The following DNAJB1 variants were observed in gnomAD, a reference collection of about 807,000 sequenced individuals.
DNAJB1 encodes the protein DnaJ heat shock protein family (Hsp40) member B1, also known as dnaJ homolog subfamily B member 1.
A neutral mutation model predicts 24.0 loss-of-function variants in DNAJB1; 14 were observed. The observed-to-expected ratio is 0.58, with a 90% CI of 0.39 to 0.91. DNAJB1 has a LOEUF of 0.91. Among genes scored for constraint, DNAJB1 ranks in the 40% least tolerant of loss-of-function variants. The pLI, the probability that DNAJB1 is intolerant of heterozygous loss-of-function variation, is 0.00. For missense variants in DNAJB1, 517 were observed against 458.1 expected, an observed-to-expected ratio of 1.13 and a Z score of -1.17; for synonymous variants, 262 against 174.4, an observed-to-expected ratio of 1.50 and a Z score of -3.96.
chr19:14,558,755 TCAGCCCCTCC>T (rs1265614342), intron 1 of DNAJB1, among the ~76,000 whole-genome samples: 2 of 152,112 alleles, frequency 1.3e-5, no homozygotes, highest in Admixed American at 6.5e-5. Context: ...CCAGAGCATC[TCAGCCCCTCC>T]CAGCCCCTCC....
Position 14,514,956 on chromosome 19 carries a change from T to TA in DNAJB1, c.*983dup, listed in dbSNP as rs1373596529. The TA allele has an allele frequency of 2.6e-5, 4 of 152,568 alleles. No individual in the cohort carries two copies. The highest frequency in any genetic ancestry group is 9.7e-5 in the African/African-American group (4 of 41,430). The allele number at this position is 152,568 out of a possible 1,614,324, so 9.5% of individuals were successfully genotyped here. ...TTTCTTCAGAATTCCATTATGGCCC[T>TA]ATACAGAGAGCACTGGCTGCCGGGG... On this transcript the variant is annotated 3_prime_UTR_variant, in exon 3 of 3. Transcript: ENST00000254322.
upstream of DNAJB1, among the ~76,000 whole-genome samples, chr19:14,518,618 G>T (rs889595452): frequency 5.9e-5 from 9 of 152,032 alleles, no homozygotes; most frequent in African/African-American, 2.2e-4. Context: ...CCTCCCCGCG[G>T]CGCGCGCGCA....
intron 1 of DNAJB1, among the ~76,000 whole-genome samples, chr19:14,538,594 G>A (rs967068484): frequency 6.7e-6 from 1 of 149,134 alleles, no homozygotes; most frequent in African/African-American, 2.5e-5. Context: ...GTGCAGTGGC[G>A]TAATCTTGGC....
At chr19:14,517,828 C>A in intron 1 of DNAJB1, 1 of 279,918 alleles carries the variant, frequency 3.6e-6, no homozygotes, top group African/African-American at 2.2e-5. Flanking sequence ...CGCGCCGTCC[C>A]CGTCGTCACC....
At chr19:14,529,938 T>G, upstream of DNAJB1, 1 of 627,242 alleles carries the variant, frequency 1.6e-6, no homozygotes, top group Non-Finnish European at 2.8e-6. Context: ...GGGTACTTTT[T>G]CTTGGGGGTC....
At chr19:14,556,865 A>T (rs1432809076) in intron 1 of DNAJB1, among the ~76,000 whole-genome samples, 1 of 152,112 alleles carries the variant, frequency 6.6e-6, no homozygotes, top group African/African-American at 2.4e-5. Context: ...CGCCGCTTGC[A>T]GCCAGTCATC....
At chr19:14,523,417 C>T (rs553940135) in intron 2 of DNAJB1, among the ~76,000 whole-genome samples, 1 of 150,990 alleles carries the variant, frequency 6.6e-6, no homozygotes, top group Non-Finnish European at 1.5e-5. Context: ...TGGGTTCAAG[C>T]GATTCTCTGC....
At chr19:14,535,391 C>T (rs185718454) in intron 1 of DNAJB1, among the ~76,000 whole-genome samples, 2,325 of 149,390 alleles carry the variant, frequency 0.016, 46 homozygotes, top group African/African-American at 0.051. Flanking sequence ...ACCTGTAGTC[C>T]CAGCTACTTG....
intron 1 of DNAJB1, among the ~76,000 whole-genome samples, chr19:14,528,425 C>T (rs2072485446): frequency 2.0e-5 from 3 of 150,120 alleles, no homozygotes; most frequent in African/African-American, 2.5e-5. Flanking sequence ...TTTTTAGTAG[C>T]GATGAGGTTT....
At chr19:14,542,358 T>G (rs916456508) in intron 1 of DNAJB1, among the ~76,000 whole-genome samples, 3 of 123,544 alleles carry the variant, frequency 2.4e-5, no homozygotes, top group Non-Finnish European at 5.1e-5. Flanking sequence ...TTTTTTTTTT[T>G]TTTTTTTTTT....
intron 1 of DNAJB1, 137 bp downstream of exon 1, chr19:14,518,002 C>A (rs1353985435): frequency 1.0e-6 from 1 of 991,682 alleles, no homozygotes; most frequent in African/African-American, 1.7e-5. Context: ...GGCGGAGGCC[C>A]GCGAGGCCGG....
upstream of DNAJB1, among the ~76,000 whole-genome samples, chr19:14,522,693 C>CAA (rs1339502117): frequency 7.2e-6 from 1 of 139,222 alleles, no homozygotes; most frequent in East Asian, 2.2e-4. Flanking sequence ...GACACACACA[C>CAA]ACACACACAC....
chr19:14,550,378 C>G (rs1313779890), upstream of DNAJB1, among the ~76,000 whole-genome samples: 1 of 152,134 alleles, frequency 6.6e-6, no homozygotes, highest in Non-Finnish European at 1.5e-5. Context: ...TGGGGGTGGA[C>G]TAACCTGTCT....
upstream of DNAJB1, among the ~76,000 whole-genome samples, chr19:14,522,671 GACACAC>G: frequency 1.6e-5 from 1 of 63,086 alleles, no homozygotes; most frequent in South Asian, 4.8e-4. Context: ...CACAAACACA[GACACAC>G]ACACAGACAC....
intron 1 of DNAJB1, among the ~76,000 whole-genome samples, chr19:14,540,421 C>T (rs1031434911): frequency 4.0e-5 from 6 of 150,904 alleles, no homozygotes; most frequent in Non-Finnish European, 8.8e-5. Flanking sequence ...GAGGCAGAGT[C>T]GTGCTCTGTC....
At chr19:14,535,549 T>A (rs1215358467) in intron 1 of DNAJB1, among the ~76,000 whole-genome samples, 5 of 6,530 alleles carry the variant, frequency 7.7e-4, no homozygotes, top group South Asian at 7.2e-3. Context: ...AAAAAATATA[T>A]ATATATATAT....
intron 1 of DNAJB1, among the ~76,000 whole-genome samples, chr19:14,557,438 G>A (rs930784732): frequency 4.0e-5 from 6 of 149,680 alleles, no homozygotes; most frequent in Middle Eastern, 3.4e-3. Flanking sequence ...ATAGTGCCCC[G>A]CCTAATCATA....
intron 1 of DNAJB1, among the ~76,000 whole-genome samples, chr19:14,543,717 C>T (rs2073207777): frequency 6.8e-6 from 1 of 146,420 alleles, no homozygotes; most frequent in African/African-American, 2.5e-5. Flanking sequence ...GGATTACAGG[C>T]GTGAGCCACC....
At chr19:14,519,804 CCTCT>C (rs1451444178), upstream of DNAJB1, among the ~76,000 whole-genome samples, 1 of 152,140 alleles carries the variant, frequency 6.6e-6, no homozygotes, top group African/African-American at 2.4e-5. Context: ...CCTTTCAAGG[CCTCT>C]GTTTCCTCAA....
Sources: allele counts gnomAD v4.1 joint callset (sites outside exome capture counted in the v4.1 genomes callset), GRCh38; gene constraint gnomAD v4.1.1; transcripts MANE v1.5; gene names NCBI Gene and HGNC (gene_info 2026-07-23, HGNC 2026-07-21).